PGBD5: variants seen among roughly 807,000 people sequenced by gnomAD.
PGBD5 encodes piggyBac transposable element derived 5.
A neutral mutation model predicts 47.9 loss-of-function variants in PGBD5; 14 were observed. The ratio of observed to expected loss-of-function variants is 0.29; its 90% confidence interval spans 0.19 to 0.46. The LOEUF is 0.46. PGBD5 is among the 20% of genes least tolerant of loss of function. The pLI is 1.00. For missense variants in PGBD5, 635 were observed against 716.0 expected (o/e 0.89, Z 1.29); for synonymous variants, 316 against 306.3 (o/e 1.03, Z -0.33).
At chr1:230,356,649 T>C (rs190754893) in intron 2 of PGBD5, among the ~76,000 whole-genome samples, 28 of 152,338 alleles carry the variant, frequency 1.8e-4, no homozygotes, top group Admixed American at 1.6e-3. Context: ...AGGCGGAAGA[T>C]TGCCTCTCAG....
At chr1:230,368,921 C>T (rs1667885659) in intron 1 of PGBD5, among the ~76,000 whole-genome samples, 1 of 152,264 alleles carries the variant, frequency 6.6e-6, no homozygotes, top group Non-Finnish European at 1.5e-5. Context: ...CACACAGTCT[C>T]AGGGATACAC....
chr1:230,423,464 A>C (rs1337131307), intron 1 of PGBD5, among the ~76,000 whole-genome samples: 1 of 152,184 alleles, frequency 6.6e-6, no homozygotes, highest in African/African-American at 2.4e-5. Context: ...TTGCTCCCCA[A>C]GTGGCCAGGA....
chr1:230,326,189 G>C (rs569198776), intron 5 of PGBD5, among the ~76,000 whole-genome samples: 7 of 152,232 alleles, frequency 4.6e-5, no homozygotes, highest in African/African-American at 1.4e-4. Flanking sequence ...AGGCCAAGGC[G>C]GGGGGATCAC....
At chr1:230,409,313 C>T (rs912175078) in intron 1 of PGBD5, among the ~76,000 whole-genome samples, 1 of 152,164 alleles carries the variant, frequency 6.6e-6, no homozygotes, top group African/African-American at 2.4e-5. Flanking sequence ...TTTCTCAAAA[C>T]GTTGAATACA....
At chr1:230,367,788 A>G (rs1337420909) in intron 1 of PGBD5, among the ~76,000 whole-genome samples, 3 of 152,238 alleles carry the variant, frequency 2.0e-5, no homozygotes, top group East Asian at 1.9e-4. Context: ...ACACTCCGGC[A>G]TACTCCGTGG....
At chr1:230,388,505 TC>T (rs1656706241) in intron 1 of PGBD5, among the ~76,000 whole-genome samples, 1 of 150,754 alleles carries the variant, frequency 6.6e-6, no homozygotes, top group Non-Finnish European at 1.5e-5. Flanking sequence ...AAGCTCTGCC[TC>T]CTGGGTTCAC....
chr1:230,417,319 T>G (rs952017226), intron 1 of PGBD5, among the ~76,000 whole-genome samples: 1 of 152,204 alleles, frequency 6.6e-6, no homozygotes, highest in Non-Finnish European at 1.5e-5. Flanking sequence ...CCATGGATTC[T>G]GCCCTAAGTA....
chr1:230,396,673 C>T (rs981559425), intron 1 of PGBD5, among the ~76,000 whole-genome samples: 4 of 146,208 alleles, frequency 2.7e-5, no homozygotes, highest in African/African-American at 1.0e-4. Flanking sequence ...CACATGGGGG[C>T]ATCATAGGAA....
chr1:230,332,235 C>A (rs1373661952), intron 5 of PGBD5, among the ~76,000 whole-genome samples: 1 of 152,216 alleles, frequency 6.6e-6, no homozygotes, highest in Non-Finnish European at 1.5e-5. Flanking sequence ...GGGGAGGCTG[C>A]CCCCAAGCAC....
intron 1 of PGBD5, among the ~76,000 whole-genome samples, chr1:230,373,956 A>G (rs1043603667): frequency 2.6e-5 from 4 of 152,096 alleles, no homozygotes; most frequent in Non-Finnish European, 4.4e-5. Context: ...CCTCAACCTC[A>G]CAGGTGTGAG....
intron 1 of PGBD5, among the ~76,000 whole-genome samples, chr1:230,407,618 G>C (rs564542277): frequency 2.8e-4 from 43 of 152,240 alleles, no homozygotes; most frequent in Middle Eastern, 3.4e-3. Flanking sequence ...TCATGAGAGC[G>C]TAAGTGTTCC....
intron 1 of PGBD5, among the ~76,000 whole-genome samples, chr1:230,423,280 C>T (rs1006047203): frequency 2.0e-5 from 3 of 152,150 alleles, no homozygotes; most frequent in Admixed American, 6.5e-5. Context: ...GATCAAAATG[C>T]CACCTGCTTA....
At chr1:230,391,929 T>C (rs1410327475) in intron 1 of PGBD5, among the ~76,000 whole-genome samples, 1 of 152,190 alleles carries the variant, frequency 6.6e-6, no homozygotes, top group African/African-American at 2.4e-5. Flanking sequence ...CAAGCTGCCC[T>C]TCTCCCCCAA....
chr1:230,332,866 G>C lies in PGBD5; in HGVS notation c.1251C>G (p.Asn417Lys), dbSNP rs755867619. Residue 417 changes from asparagine to lysine, a missense_variant, in exon 5 of 7, where the codon AAC (asparagine) becomes AAG (lysine). Asn to Lys is a moderately conservative substitution (Grantham distance 94, BLOSUM62 0). Transcript: ENST00000391860. ...CACCCTGCTGCACCGGGGAGTAGGCGTTGGTCAGGAAGCGGAAGTGTCCTT... is the reference window on the plus strand; with the variant it reads ...CACCCTGCTGCACCGGGGAGTAGGCCTTGGTCAGGAAGCGGAAGTGTCCTT... ...YNKGHFRFLT[N>K]AYSPVQQGVI... The C allele has an allele frequency of 6.2e-7, 1 of 1,614,244 alleles. No individual in the cohort carries two copies. The highest frequency in any genetic ancestry group is 8.5e-7 in the Non-Finnish European group (1 of 1,180,040).
intron 1 of PGBD5, among the ~76,000 whole-genome samples, chr1:230,406,406 A>C (rs1322779909): frequency 6.6e-6 from 1 of 152,028 alleles, no homozygotes; most frequent in Admixed American, 6.6e-5. Flanking sequence ...AAAGACTGTA[A>C]TAGCTACTAA....
intron 1 of PGBD5, among the ~76,000 whole-genome samples, chr1:230,424,384 GCTAA>G (rs1657724256): frequency 6.6e-6 from 1 of 152,218 alleles, no homozygotes; most frequent in Admixed American, 6.5e-5. Flanking sequence ...GCAGTGCACA[GCTAA>G]CTGTGACTTT....
At chr1:230,399,711 C>T (rs1449630830) in intron 1 of PGBD5, among the ~76,000 whole-genome samples, 9 of 152,268 alleles carry the variant, frequency 5.9e-5, no homozygotes, top group Middle Eastern at 3.4e-3. Context: ...CCCCGCAGAC[C>T]GGAGGATGCT....
intron 1 of PGBD5, among the ~76,000 whole-genome samples, chr1:230,394,105 A>G (rs1656860857): frequency 6.6e-6 from 1 of 151,958 alleles, no homozygotes; most frequent in Non-Finnish European, 1.5e-5. Flanking sequence ...ACTCATATTC[A>G]ACAAACCATG....
chr1:230,335,078 GACACACACAGGT>G (rs893728510), intron 4 of PGBD5, among the ~76,000 whole-genome samples: 1 of 147,714 alleles, frequency 6.8e-6, no homozygotes, highest in Non-Finnish European at 1.5e-5. Context: ...TGCACACACA[GACACACACAGGT>G]ACACACACAG....
Sources: gnomAD v4.1 joint callset for allele counts (sites outside exome capture counted in the v4.1 genomes callset) on GRCh38, gnomAD v4.1.1 for gene constraint, MANE v1.5 for transcripts, NCBI Gene and HGNC (gene_info 2026-07-23, HGNC 2026-07-21) for gene names.